Variants in VIPR2 observed in about 807,000 individuals in gnomAD.
VIPR2 encodes vasoactive intestinal peptide receptor 2.
VIPR2 carries 48 observed loss-of-function variants against 58.0 expected under a neutral mutation model. The ratio of observed to expected loss-of-function variants is 0.83; its 90% CI spans 0.66 to 1.05. The LOEUF (loss-of-function observed/expected upper bound fraction) is 1.05. VIPR2 is among the 50% of genes least tolerant of loss of function. The pLI is 0.00. For missense variants in VIPR2, 534 were observed against 558.0 expected, an observed-to-expected ratio of 0.96 and a Z score of 0.43; for synonymous variants, 243 against 235.2, an observed-to-expected ratio of 1.03 and a Z score of -0.30.
chr7:159,065,037 G>A (rs1477647247), intron 4 of VIPR2, among the ~76,000 whole-genome samples: 1 of 152,154 alleles, frequency 6.6e-6, no homozygotes, highest in Non-Finnish European at 1.5e-5. Flanking sequence ...CCACTGCACC[G>A]CTCTCTGAAA....
At chr7:159,051,328 TGG>T (rs1854991146) in intron 5 of VIPR2, among the ~76,000 whole-genome samples, 1 of 152,166 alleles carries the variant, frequency 6.6e-6, no homozygotes, top group Non-Finnish European at 1.5e-5. Context: ...GACTGGAAAG[TGG>T]TAAAAGTAGT....
Position 159,043,194 on chromosome 7 carries a change from G to A in VIPR2, c.456-18C>T. On this transcript the variant is annotated intron_variant, in intron 5 of 12. Coordinates refer to ENST00000262178, the MANE Select transcript of VIPR2 (RefSeq NM_003382.5). Reference sequence around the variant, plus strand: ...GCAGCTTCCTGAGGTGGGGGAGTGGGAGAGAGAGGAATTGGAGGGGGAAGG... The same window carrying A: ...GCAGCTTCCTGAGGTGGGGGAGTGGAAGAGAGAGGAATTGGAGGGGGAAGG... 1 of 1,580,114 alleles carries A rather than the reference G, an allele frequency of 6.3e-7. No homozygotes were observed.
rs1323350798 is a variant in VIPR2, at chr7:159,128,828, A to G, written c.151+13618T>C. Among the ~76,000 whole-genome samples the G allele has an allele frequency of 6.6e-6, 1 of 152,090 alleles. No homozygotes were observed. Among genetic ancestry groups the G allele is most frequent in the Non-Finnish European group, 1.5e-5 (1 of 67,990 alleles). On this transcript the variant is annotated intron_variant, in intron 2 of 12. Transcript: ENST00000262178. This position sits in a 1 kb window ranked among gnomAD's most constrained non-coding sequence, Gnocchi z 4.1. The stretch of plus-strand genomic sequence containing the variant: ...TCAGCTCTGCAGGTTGGGCACGCTA[A>G]CTGCTCTTCTCCCTCAACTGCTCCC...
chr7:159,144,385 G>A, intron 1 of VIPR2: 1 of 1,543,782 alleles, frequency 6.5e-7, no homozygotes, highest in Non-Finnish European at 8.7e-7. Flanking sequence ...GCAGGCGCCC[G>A]CAGCTCCCAG....
chr7:159,125,183 T>C (rs1266891239), intron 2 of VIPR2, among the ~76,000 whole-genome samples: 2 of 151,960 alleles, frequency 1.3e-5, no homozygotes, highest in Non-Finnish European at 2.9e-5. Context: ...TGAATAGGAG[T>C]GGTGAGAGAG....
At chr7:159,037,327 G>A (rs1425952339) in intron 6 of VIPR2, among the ~76,000 whole-genome samples, 1 of 152,210 alleles carries the variant, frequency 6.6e-6, no homozygotes, top group Non-Finnish European at 1.5e-5. Flanking sequence ...AGAGCCGGCA[G>A]GAGGTCATGT....
intron 4 of VIPR2, among the ~76,000 whole-genome samples, chr7:159,081,932 T>C (rs1856926031): frequency 6.6e-6 from 1 of 152,120 alleles, no homozygotes; most frequent in Non-Finnish European, 1.5e-5. Flanking sequence ...ATCACACCAA[T>C]TAGAATGGCG....
Position 159,093,361 on chromosome 7 carries a change from T to A in VIPR2, c.357+10396A>T. Among the ~76,000 whole-genome samples the A allele has an allele frequency of 6.6e-6, 1 of 152,208 alleles. No homozygotes were observed. Among genetic ancestry groups the A allele is most frequent in the East Asian group, 1.9e-4 (1 of 5,202 alleles). On this transcript the variant is annotated intron_variant, in intron 4 of 12. Transcript: ENST00000262178. The surrounding 1 kb of genome is among the most constrained non-coding windows in gnomAD (Gnocchi z 6.7). ...TGGGAAACTCAGACCAACCGTGTTT[T>A]AAGAAGCGTCCTTTAGTAGAAGTCA...
chr7:159,049,549 A>G (rs574923693), intron 5 of VIPR2, among the ~76,000 whole-genome samples: 61 of 152,326 alleles, frequency 4.0e-4, no homozygotes, highest in African/African-American at 1.4e-3. Context: ...CACAGCAGAA[A>G]CGGGAGATAA....
Position 159,037,217 on chromosome 7 carries a change from C to T in VIPR2, c.598-315G>A, listed in dbSNP as rs563120532. Among the ~76,000 whole-genome samples, 6 of 152,350 alleles carry T rather than the reference C, an allele frequency of 3.9e-5. No individual in the cohort carries two copies. In the South Asian group the frequency reaches 1.2e-3, roughly 32 times the overall value. ...AGGCCGCACAGCTCCCTGGCCCTCC[C>T]GTTCTCAGCTCCTCCCCTCGGCTAC... On this transcript the variant is annotated intron_variant, in intron 6 of 12. Coordinates refer to ENST00000262178, the MANE Select transcript of VIPR2 (RefSeq NM_003382.5).
chr7:159,059,435 A>G (rs1855507366), intron 4 of VIPR2: 4 of 441,634 alleles, frequency 9.1e-6, no homozygotes, highest in Non-Finnish European at 1.9e-5. Flanking sequence ...CTAAGTCCGT[A>G]TAAGTACAAC....
Position 159,103,864 on chromosome 7 carries a change from G to A in VIPR2, c.260-10C>T. 6.2e-7 allele frequency: 1 copy of A among 1,610,714 alleles called. No homozygotes were observed. On this transcript the variant is annotated splice_polypyrimidine_tract_variant and intron_variant, in intron 3 of 12. Coordinates refer to ENST00000262178, the MANE Select transcript of VIPR2 (RefSeq NM_003382.5). ...TTTTTGCTTATGTTTCCTGGAAAGT[G>A]AAGTTCAGATATTTTATCTGCAAGT...
At chr7:159,081,495 G>T (rs887106729) in intron 4 of VIPR2, among the ~76,000 whole-genome samples, 6 of 152,194 alleles carry the variant, frequency 3.9e-5, no homozygotes, top group Non-Finnish European at 5.9e-5. Flanking sequence ...TTACATGTTA[G>T]ACCTAAAACC....
At chr7:159,091,063 A>C (rs1293474323) in intron 4 of VIPR2, among the ~76,000 whole-genome samples, 2 of 152,164 alleles carry the variant, frequency 1.3e-5, no homozygotes, top group African/African-American at 4.8e-5. Flanking sequence ...ATCTCTGGTG[A>C]CCTCAGCACA....
intron 4 of VIPR2, among the ~76,000 whole-genome samples, chr7:159,077,527 T>C (rs990928513): frequency 1.3e-5 from 2 of 151,690 alleles, no homozygotes; most frequent in Non-Finnish European, 2.9e-5. Context: ...CCCTGTTCAA[T>C]GTCTTTGAGG....
At chr7:159,040,267 A>T (rs947703215) in intron 6 of VIPR2, among the ~76,000 whole-genome samples, 1 of 152,158 alleles carries the variant, frequency 6.6e-6, no homozygotes, top group Admixed American at 6.5e-5. Context: ...TGATGTGAGG[A>T]ACCCCGGCCA....
chr7:159,139,346 G>A (rs755983625), intron 2 of VIPR2, among the ~76,000 whole-genome samples: 16 of 152,128 alleles, frequency 1.1e-4, no homozygotes, highest in Non-Finnish European at 1.5e-4. Flanking sequence ...GGAGGGGGCC[G>A]CTCCCACTGC....
At chr7:159,116,814 G>C (rs1796255277) in intron 2 of VIPR2, 1 of 155,232 alleles carries the variant, frequency 6.4e-6, no homozygotes, top group South Asian at 2.0e-4. Context: ...GCACAGAGTG[G>C]GGAGGAACCT....
chr7:159,036,047 G>T, intron 7 of VIPR2, 35 bp from the exon 8 acceptor site: 2 of 1,604,480 alleles, frequency 1.2e-6, no homozygotes, highest in Non-Finnish European at 1.7e-6. Context: ...AGGTGGAGCG[G>T]AGCGGTGTGC....
Sources: gnomAD v4.1 joint callset for allele counts (sites outside exome capture counted in the v4.1 genomes callset) on GRCh38, gnomAD v4.1.1 for gene constraint, Gnocchi (gnomAD v3.1) non-coding constraint, MANE v1.5 for transcripts, NCBI Gene and HGNC (gene_info 2026-07-23, HGNC 2026-07-21) for gene names.